Variants in FGFR1 observed in about 807,000 individuals in gnomAD.
FGFR1 encodes fibroblast growth factor receptor 1.
FGFR1 carries 18 observed loss-of-function variants against 93.7 expected under a neutral mutation model. The observed-to-expected ratio is 0.19, with a 90% CI of 0.13 to 0.28. The LOEUF (loss-of-function observed/expected upper bound fraction) is 0.28, where lower values mean the gene tolerates loss of function less well. Ranked by LOEUF, FGFR1 falls within the 10% of genes least tolerant of loss-of-function variation. The pLI, the probability that FGFR1 is intolerant of heterozygous loss-of-function variation, is 1.00. For synonymous variants in FGFR1, 448 were observed against 429.3 expected, an observed-to-expected ratio of 1.04 and a Z score of -0.54; for missense variants, 731 against 1,080.4, an observed-to-expected ratio of 0.68 and a Z score of 4.53.
Position 38,426,300 on chromosome 8 carries a change from C to T in FGFR1, c.622-55G>A, listed in dbSNP as rs2150869622. ...AGGGTCCAGAGGAAAATGCAGGCCC[C>T]ATGACAATGTCGGCACCCCGTGGCA... On this transcript the variant is annotated intron_variant, in intron 5 of 17. Transcript: ENST00000447712. The surrounding 1 kb of genome is among the most constrained non-coding windows in gnomAD (Gnocchi z 4.1). 1 of 1,611,244 alleles carries T rather than the reference C, an allele frequency of 6.2e-7. No homozygotes were observed. The highest frequency in any genetic ancestry group is 8.5e-7 in the Non-Finnish European group (1 of 1,179,476).
rs1815316468 is a variant in FGFR1, at chr8:38,413,920, G to T, written c.2290C>A (p.Gln764Lys). Residue 764 changes from glutamine (Q) to lysine (K), a missense_variant and splice_region_variant, in exon 17 of 18, where the codon CAG becomes AAG. This residue lies in a region of FGFR1 where 79 missense variants were observed against 97.2 expected (regional missense o/e 0.81). Transcript: ENST00000447712. The surrounding 1 kb of genome is among the most constrained non-coding windows in gnomAD (Gnocchi z 4.2). ...GGCTCTGGCACGGGCAGCCTTACCTGGTTGGAGGTCAAGGCCACGATGCGG... is the reference window on the plus strand; with the variant it reads ...GGCTCTGGCACGGGCAGCCTTACCTTGTTGGAGGTCAAGGCCACGATGCGG... ...LDRIVALTSN[Q>K]EYLDLSMPLD... The T allele has an allele frequency of 6.2e-7, 1 of 1,613,896 alleles. No homozygotes were observed. Among genetic ancestry groups the T allele is most frequent in the African/African-American group, 1.3e-5 (1 of 75,022 alleles).
intron 2 of FGFR1, among the ~76,000 whole-genome samples, chr8:38,450,095 AAC>A (rs1482555864): frequency 2.0e-5 from 3 of 152,202 alleles, no homozygotes; most frequent in Non-Finnish European, 2.9e-5. Flanking sequence ...CCTAGGAGGA[AAC>A]AGTTTGGGAT....
At chr8:38,438,911 C>T (rs764911839) in intron 2 of FGFR1, among the ~76,000 whole-genome samples, 2 of 152,132 alleles carry the variant, frequency 1.3e-5, no homozygotes, top group Non-Finnish European at 2.9e-5. Context: ...TAGCTCATAT[C>T]AATCATTACC....
At chr8:38,421,220 G>A (rs998509162) in intron 8 of FGFR1, among the ~76,000 whole-genome samples, 1 of 152,218 alleles carries the variant, frequency 6.6e-6, no homozygotes, top group Non-Finnish European at 1.5e-5. Flanking sequence ...ACGGCAGCAG[G>A]CAAACAGGAT....
Position 38,457,463 on chromosome 8 carries a change from G to A in FGFR1, c.-17C>T, listed in dbSNP as rs2151349031. ...GCTCCACATCCCAGTTCTGCAGTTA[G>A]AGGTTGGTGACAAGGCTCCACATCT... On this transcript the variant is annotated 5_prime_UTR_variant, in exon 2 of 18. Transcript: ENST00000447712. 4 of 1,613,946 alleles carry A rather than the reference G, an allele frequency of 2.5e-6. No homozygotes were observed. Among genetic ancestry groups the A allele is most frequent in the Non-Finnish European group, 3.4e-6 (4 of 1,179,994 alleles).
At chr8:38,465,243 AAAGAAGCACCCTAAG>A (rs1306145385) in intron 1 of FGFR1, among the ~76,000 whole-genome samples, 1 of 152,250 alleles carries the variant, frequency 6.6e-6, no homozygotes, top group Admixed American at 6.5e-5. Flanking sequence ...AGGCCAAGGA[AAAGAAGCACCCTAAG>A]ATTGTTCAAG....
At position 38,429,591 on chromosome 8, in the gene FGFR1, G is replaced by C; in HGVS notation, c.358+91C>G. ...AAGCAGAGTGGGGGCAGATCACGGA[G>C]GGGGAGGAGGTTCACCTTCCTCTGA... On this transcript the variant is annotated intron_variant, in intron 3 of 17. Transcript: ENST00000447712. The surrounding 1 kb of genome is among the most constrained non-coding windows in gnomAD (Gnocchi z 4.4). The C allele has an allele frequency of 7.4e-7, 1 of 1,357,498 alleles. No individual in the cohort carries two copies. Among genetic ancestry groups the C allele is most frequent in the African/African-American group, 1.4e-5 (1 of 69,640 alleles). The allele number at this position is 1,357,498 out of a possible 1,614,324, so 84.1% of individuals were successfully genotyped here.
At chr8:38,440,086 C>T (rs1476484208) in intron 2 of FGFR1, among the ~76,000 whole-genome samples, 3 of 151,852 alleles carry the variant, frequency 2.0e-5, no homozygotes, top group African/African-American at 4.8e-5. Flanking sequence ...GGCTAAACTC[C>T]TCAGCAACAT....
In FGFR1 at chr8:38,417,614, G is replaced by A. The variant is rs1199053754; in HGVS notation, c.1553-198C>T. Reference sequence around the variant, plus strand: ...GGTGGTAGTGAGTGGGCAGGGATGTGGTGAGGAAAGCCTGCAAGCGATGGA... The same window carrying A: ...GGTGGTAGTGAGTGGGCAGGGATGTAGTGAGGAAAGCCTGCAAGCGATGGA... On this transcript the variant is annotated intron_variant, in intron 11 of 17. Transcript: ENST00000447712. The A allele has an allele frequency of 2.2e-5, 16 of 717,064 alleles. No individual in the cohort carries two copies. The South Asian group carries it at 2.6e-4, about 12-fold the overall frequency. 44.4% of individuals were successfully genotyped at this position (717,064 alleles called of 1,614,324 possible).
At chr8:38,432,357 C>G (rs111611768) in intron 2 of FGFR1, among the ~76,000 whole-genome samples, 4 of 151,998 alleles carry the variant, frequency 2.6e-5, no homozygotes, top group Non-Finnish European at 5.9e-5. Flanking sequence ...CCCTTCCAAA[C>G]GTGGCTCAGG....
At position 38,414,019 on chromosome 8, in the gene FGFR1, T is replaced by C. The variant is rs560927853; in HGVS notation, c.2191A>G (p.Met731Val). 17 of 1,614,056 alleles carry C rather than the reference T, an allele frequency of 1.1e-5. No individual in the cohort carries two copies. Among genetic ancestry groups the C allele is most frequent in the East Asian group, 2.2e-5 (1 of 44,876 alleles). The part of the protein sequence containing the change: ...KPSNCTNELY[M>V]MMRDCWHAVP... The stretch of plus-strand genomic sequence containing the variant: ...GCATGCCAGCAGTCCCGCATCATCA[T>C]GTACCTGCGGCAGGACTGTAAGGTC... Residue 731 changes from methionine (M) to valine (V), a missense_variant, in exon 17 of 18, where the codon ATG becomes GTG. By Grantham distance (21) the Met-to-Val change is conservative (BLOSUM62 1). Around this residue, in one of 10 missense-constraint regions of FGFR1, gnomAD observed 35 missense variants for 78.0 expected, o/e 0.45. Transcript: ENST00000447712.
chr8:38,464,286 G>A (rs1209509802), intron 1 of FGFR1, among the ~76,000 whole-genome samples: 3 of 130,132 alleles, frequency 2.3e-5, no homozygotes, highest in Admixed American at 9.1e-5. Flanking sequence ...CAGCACTCCA[G>A]CCTGGGCGAC....
chr8:38,436,256 T>C (rs1465625758), intron 2 of FGFR1, among the ~76,000 whole-genome samples: 1 of 151,858 alleles, frequency 6.6e-6, no homozygotes. Context: ...ATGCCTGTAG[T>C]CCCCAGGCAC....
In FGFR1 at chr8:38,426,032, G is replaced by A; in HGVS notation, c.745+90C>T. 6.4e-7 allele frequency: 1 copy of A among 1,574,626 alleles called. No homozygotes were observed. The highest frequency in any genetic ancestry group is 8.7e-7 in the Non-Finnish European group (1 of 1,148,228). On this transcript the variant is annotated intron_variant, in intron 6 of 17. Transcript: ENST00000447712. This position sits in a 1 kb window ranked among gnomAD's most constrained non-coding sequence, Gnocchi z 4.1. ...AAGTGCCAATCGCTATCCTGACTCT[G>A]CCCCTAAGAAACCTGGACACCCCGG... is the stretch of plus-strand genomic sequence containing the variant.
In FGFR1 at chr8:38,428,036, G is replaced by A. The variant is rs1413642890; in HGVS notation, c.506C>T (p.Pro169Leu). ...TTTGAACTTCACTGTCTTGGCAGCC[G>A]GCACTGCATGCAATTTCTTTTCCAT... ...EKMEKKLHAV[P>L]AAKTVKFKCP... The change falls in exon 5 of 18, where the codon CCG becomes CTG. Residue 169 changes from proline (P) to leucine (L), a missense_variant. Pro to Leu is a moderately conservative substitution (Grantham distance 98, BLOSUM62 -3). Around this residue, in one of 10 missense-constraint regions of FGFR1, gnomAD observed 109 missense variants for 249.4 expected, o/e 0.44. Coordinates refer to ENST00000447712, the MANE Select transcript of FGFR1 (RefSeq NM_023110.3). The A allele has an allele frequency of 1.2e-6, 2 of 1,614,232 alleles. No homozygotes were observed. Among genetic ancestry groups the A allele is most frequent in the Non-Finnish European group, 8.5e-7 (1 of 1,180,052 alleles).
At chr8:38,466,412 ACAGC>A (rs1835513604) in intron 1 of FGFR1, 1 of 231,640 alleles carries the variant, frequency 4.3e-6, no homozygotes, top group East Asian at 6.1e-5. Context: ...GGCCAGACGC[ACAGC>A]CAAAGAGCCC....
chr8:38,432,912 C>CA (rs1170809608), intron 2 of FGFR1, among the ~76,000 whole-genome samples: 2 of 135,348 alleles, frequency 1.5e-5, no homozygotes, highest in Admixed American at 7.3e-5. Flanking sequence ...CACCGCGCCC[C>CA]CCCCCCTCCC....
At chr8:38,418,616 T>C (rs1817617858) in intron 9 of FGFR1, 1 of 568,308 alleles carries the variant, frequency 1.8e-6, no homozygotes. Flanking sequence ...GCAGACCAAA[T>C]GCACCTCTTC....
chr8:38,450,498 C>G (rs1830713161), intron 2 of FGFR1, among the ~76,000 whole-genome samples: 1 of 152,162 alleles, frequency 6.6e-6, no homozygotes, highest in Non-Finnish European at 1.5e-5. Context: ...CCAGGACTCA[C>G]TTCTCCCAGG....
Sources: gnomAD v4.1 joint callset for allele counts (sites outside exome capture counted in the v4.1 genomes callset) on GRCh38, gnomAD v4.1.1 for gene constraint, gnomAD v4.1.1 regional missense constraint, Gnocchi (gnomAD v3.1) non-coding constraint, MANE v1.5 for transcripts, NCBI Gene and HGNC (gene_info 2026-07-23, HGNC 2026-07-21) for gene names.